Variants in PTPRD observed in about 807,000 individuals in gnomAD.
The protein encoded by PTPRD is protein tyrosine phosphatase receptor type D.
In PTPRD, 34 loss-of-function variants were observed where a neutral mutation model predicts 214.5. The observed-to-expected ratio is 0.16, with a 90% confidence interval of 0.12 to 0.21. The LOEUF (loss-of-function observed/expected upper bound fraction) is 0.21, where lower values mean the gene tolerates loss of function less well. Among genes scored for constraint, PTPRD ranks in the 10% least tolerant of loss-of-function variants. The probability of loss-of-function intolerance (pLI) is 1.00; values close to 1 mark genes in which losing one functional copy is unlikely to be tolerated. For synonymous variants in PTPRD, 1,128 were observed against 845.7 expected (o/e 1.33, Z -5.79); for missense variants, 2,545 against 2,398.7 (o/e 1.06, Z -1.27).
chr9:8,783,031 C>T (rs972310081), intron 11 of PTPRD, among the ~76,000 whole-genome samples: 2 of 152,152 alleles, frequency 1.3e-5, no homozygotes, highest in African/African-American at 4.8e-5. Flanking sequence ...AAATCTTACC[C>T]ATTCCTCAAG....
intron 11 of PTPRD, among the ~76,000 whole-genome samples, chr9:8,749,804 C>G (rs2093333034): frequency 6.6e-6 from 1 of 152,054 alleles, no homozygotes; most frequent in Non-Finnish European, 1.5e-5. Context: ...AATAAACGTA[C>G]AAGACAGCAA....
intron 10 of PTPRD, among the ~76,000 whole-genome samples, chr9:9,031,951 T>C (rs2099606938): frequency 1.3e-5 from 2 of 152,066 alleles, no homozygotes; most frequent in Non-Finnish European, 2.9e-5. Flanking sequence ...TTTTGATTCT[T>C]TTATATTTAT....
intron 8 of PTPRD, among the ~76,000 whole-genome samples, chr9:9,398,173 T>C (rs2068646919): frequency 1.4e-5 from 2 of 145,326 alleles, no homozygotes; most frequent in Admixed American, 6.9e-5. Context: ...TCTGCCTCAA[T>C]ATTTTTTTCT....
intron 10 of PTPRD, among the ~76,000 whole-genome samples, chr9:9,129,166 G>T (rs2099838735): frequency 6.6e-6 from 1 of 152,162 alleles, no homozygotes; most frequent in African/African-American, 2.4e-5. Flanking sequence ...GAGGCGGGTT[G>T]ATCACCTGAG....
intron 2 of PTPRD, among the ~76,000 whole-genome samples, chr9:10,453,123 G>T (rs1379542274): frequency 1.3e-5 from 2 of 151,334 alleles, no homozygotes; most frequent in Non-Finnish European, 3.0e-5. Context: ...AGGATTAGTT[G>T]CCCATATATA....
intron 10 of PTPRD, among the ~76,000 whole-genome samples, chr9:9,066,224 A>G (rs1188998876): frequency 1.3e-5 from 2 of 152,130 alleles, no homozygotes; most frequent in Admixed American, 6.5e-5. Flanking sequence ...ATTCCCTGGA[A>G]GATTTTGTGT....
chr9:8,478,439 C>A (rs910501737), intron 30 of PTPRD, among the ~76,000 whole-genome samples: 7 of 152,078 alleles, frequency 4.6e-5, no homozygotes, highest in African/African-American at 1.7e-4. Context: ...TTCTTTATTT[C>A]AATTTTTTAT....
chr9:9,618,833 T>A (rs1249144137), intron 7 of PTPRD, among the ~76,000 whole-genome samples: 5 of 151,954 alleles, frequency 3.3e-5, no homozygotes, highest in Admixed American at 1.3e-4. Context: ...CACCCAAGGA[T>A]AATGTATAGA....
At chr9:9,330,234 G>A (rs552942936) in intron 9 of PTPRD, among the ~76,000 whole-genome samples, 5 of 152,012 alleles carry the variant, frequency 3.3e-5, no homozygotes, top group South Asian at 2.1e-4. Flanking sequence ...CAGTTTTCCT[G>A]TTGTCTTTTC....
chr9:9,192,041 A>C (rs530386206), intron 9 of PTPRD, among the ~76,000 whole-genome samples: 1 of 152,148 alleles, frequency 6.6e-6, no homozygotes, highest in East Asian at 1.9e-4. Flanking sequence ...AATTTATCAA[A>C]ATATGATCAA....
In PTPRD at chr9:10,035,298, T is replaced by G. The variant is rs1016792767; in HGVS notation, c.-544-1508A>C. ...TTTTTAATGGGGTATTTTTTTTTCTTGTAAATTTGTTTATGTTCCTTATAC... is the reference window on the plus strand; with the variant it reads ...TTTTTAATGGGGTATTTTTTTTTCTGGTAAATTTGTTTATGTTCCTTATAC... On this transcript the variant is annotated intron_variant, in intron 3 of 45. Transcript: ENST00000381196. Among the ~76,000 whole-genome samples, 3 of 152,284 alleles carry G rather than the reference T, an allele frequency of 2.0e-5. No homozygotes were observed. The East Asian group carries it at 5.8e-4, about 29-fold the overall frequency.
chr9:8,854,361 G>T (rs1437770233), intron 11 of PTPRD, among the ~76,000 whole-genome samples: 1 of 152,142 alleles, frequency 6.6e-6, no homozygotes, highest in Non-Finnish European at 1.5e-5. Flanking sequence ...TTAAAATGAA[G>T]TCATCTTTGA....
In PTPRD at chr9:10,064,625, C is replaced by G. The variant is rs1341100864; in HGVS notation, c.-544-30835G>C. 4.5e-4 allele frequency among the ~76,000 whole-genome samples: 68 copies of G among 151,898 alleles called. 1 individual carries two copies. Among genetic ancestry groups the G allele is most frequent in the Non-Finnish European group, 1.6e-4 (11 of 67,882 alleles). On this transcript the variant is annotated intron_variant, in intron 3 of 45. Coordinates refer to ENST00000381196, the MANE Select transcript of PTPRD (RefSeq NM_002839.4). The stretch of plus-strand genomic sequence containing the variant: ...TTGGTCTTATTATTTCCCAAACATC[C>G]TCCCTCTTACAAAAGGGGAGATGTA...
intron 5 of PTPRD, among the ~76,000 whole-genome samples, chr9:9,858,778 TACCCAAATCAACAGTTACTTTTAG>T (rs1365070007): frequency 1.3e-5 from 2 of 152,230 alleles, no homozygotes; most frequent in African/African-American, 4.8e-5. Flanking sequence ...GTAAGTGATT[TACCCAAATCAACAGTTACTTTTAG>T]ACCCAAATCA....
intron 27 of PTPRD, among the ~76,000 whole-genome samples, chr9:8,490,613 A>C (rs1035487270): frequency 3.3e-5 from 5 of 152,230 alleles, no homozygotes; most frequent in Non-Finnish European, 5.9e-5. Flanking sequence ...TCAAGAACTC[A>C]GACAGTAAAC....
intron 8 of PTPRD, among the ~76,000 whole-genome samples, chr9:9,491,491 T>G (rs2095894933): frequency 6.6e-6 from 1 of 151,714 alleles, no homozygotes; most frequent in Non-Finnish European, 1.5e-5. Context: ...AGCATAAACT[T>G]TCTTCTCAAG....
At chr9:8,740,708 T>A (rs953715564) in intron 11 of PTPRD, among the ~76,000 whole-genome samples, 4 of 152,152 alleles carry the variant, frequency 2.6e-5, no homozygotes, top group Non-Finnish European at 2.9e-5. Context: ...CTCCAAATTT[T>A]TCTGTTTTGC....
At position 10,156,078 on chromosome 9, in the gene PTPRD, T is replaced by TTGTGTGTG. The variant is rs71485323; in HGVS notation, c.-544-122296_-544-122289dup. Among the ~76,000 whole-genome samples, 281 of 132,628 alleles carry TTGTGTGTG rather than the reference T, an allele frequency of 2.1e-3. 2 individuals are homozygous for TTGTGTGTG. Among genetic ancestry groups the TTGTGTGTG allele is most frequent in the East Asian group, 9.2e-3 (41 of 4,442 alleles). The allele number at this position is 132,628 out of a possible 152,430, so 87.0% of individuals were successfully genotyped here. On this transcript the variant is annotated intron_variant, in intron 3 of 45. Transcript: ENST00000381196. ...ATGGATTTTTTGCTCTTTTGAATGT[T>TTGTGTGTG]TGTGTGTGTGTGTGTGTGTGTGTGT...
chr9:8,924,918 A>G (rs2098859803), intron 11 of PTPRD, among the ~76,000 whole-genome samples: 2 of 152,222 alleles, frequency 1.3e-5, no homozygotes, highest in African/African-American at 2.4e-5. Flanking sequence ...GCCATCATTT[A>G]CAACATGGTT....
Sources: gnomAD v4.1 joint callset for allele counts (sites outside exome capture counted in the v4.1 genomes callset) on GRCh38, gnomAD v4.1.1 for gene constraint, MANE v1.5 for transcripts, NCBI Gene and HGNC (gene_info 2026-07-23, HGNC 2026-07-21) for gene names.